CCDC7: variants seen among roughly 807,000 people sequenced by gnomAD.
The protein encoded by CCDC7 is coiled-coil domain containing 7, also known as coiled-coil domain-containing protein 7.
Under a neutral mutation model 196.9 loss-of-function variants are expected in CCDC7, and 183 were observed. That is an observed-to-expected ratio of 0.93 (90% CI 0.82 to 1.05). The LOEUF (loss-of-function observed/expected upper bound fraction) is 1.05, where lower values mean the gene tolerates loss of function less well. Ranked by LOEUF, CCDC7 falls within the 50% of genes least tolerant of loss-of-function variation. CCDC7 has a pLI of 0.00. For missense variants in CCDC7, 1,540 were observed against 1,482.2 expected (o/e 1.04, Z -0.64); for synonymous variants, 525 against 484.6 (o/e 1.08, Z -1.10).
intron 21 of CCDC7, among the ~76,000 whole-genome samples, chr10:32,664,630 A>T (rs10159499): frequency 0.028 from 4,281 of 151,944 alleles, 220 homozygotes; most frequent in African/African-American, 0.097. Flanking sequence ...ATTTAACATT[A>T]TGTTCTCCAC....
In CCDC7 at chr10:32,814,865, G is replaced by C. The variant is rs1035779628; in HGVS notation, c.3181+412G>C. On this transcript the variant is annotated intron_variant, in intron 31 of 41. Coordinates refer to ENST00000639629, the Ensembl canonical transcript of CCDC7. ...TATGACCGTTGGTGTGATACCAAAA[G>C]AAGACATTTTAACAAATAAATAATG... Among the ~76,000 whole-genome samples, 15 of 152,300 alleles carry C rather than the reference G, an allele frequency of 9.8e-5. No homozygotes were observed. In the East Asian group the frequency reaches 2.9e-3, roughly 29 times the overall value.
chr10:32,500,810 C>T (rs1474685285), intron 9 of CCDC7, among the ~76,000 whole-genome samples: 3 of 152,328 alleles, frequency 2.0e-5, no homozygotes, highest in African/African-American at 7.2e-5. Context: ...CTCGGGAGGC[C>T]GAGGCAGGCA....
chr10:32,490,067 T>C (rs2041914111), intron 8 of CCDC7, among the ~76,000 whole-genome samples: 1 of 152,172 alleles, frequency 6.6e-6, no homozygotes, highest in African/African-American at 2.4e-5. Context: ...GTGGGACATG[T>C]TGCATGGCTC....
At chr10:32,663,935 C>T (rs2072075615) in intron 20 of CCDC7, 119 bp from the exon 22 acceptor site, 1 of 365,198 alleles carries the variant, frequency 2.7e-6, no homozygotes, top group Non-Finnish European at 4.8e-6. Context: ...TAGTAATTTA[C>T]TTATATTTTA....
intron 8 of CCDC7, among the ~76,000 whole-genome samples, chr10:32,478,048 G>A (rs1239383478): frequency 2.6e-5 from 4 of 151,780 alleles, no homozygotes; most frequent in East Asian, 1.9e-4. Context: ...TATAGATCTC[G>A]TACATATTTT....
chr10:32,467,108 T>G (rs911488982), intron 5 of CCDC7, among the ~76,000 whole-genome samples: 6 of 110,714 alleles, frequency 5.4e-5, no homozygotes, highest in African/African-American at 1.6e-4. Flanking sequence ...TTTGTCCACT[T>G]TTTTTTTTTT....
intron 18 of CCDC7, among the ~76,000 whole-genome samples, chr10:32,621,713 A>T (rs1332138498): frequency 6.6e-6 from 1 of 152,192 alleles, no homozygotes; most frequent in Admixed American, 6.5e-5. Flanking sequence ...CCCAACAACC[A>T]GGAGCTCCAA....
chr10:32,544,956 G>A (rs2052168801), intron 13 of CCDC7, among the ~76,000 whole-genome samples: 1 of 151,874 alleles, frequency 6.6e-6, no homozygotes, highest in African/African-American at 2.4e-5. Context: ...CAAATTCAAA[G>A]CAAATATGCT....
intron 28 of CCDC7, among the ~76,000 whole-genome samples, chr10:32,772,175 G>A (rs868763956): frequency 2.0e-5 from 3 of 152,216 alleles, no homozygotes; most frequent in South Asian, 4.1e-4. Context: ...GGGAATGGGA[G>A]TGGTCTCAGA....
exon 1 of CCDC7, chr10:32,446,304 T>C (rs1220486202): frequency 6.6e-6 from 1 of 152,300 alleles, no homozygotes; most frequent in Non-Finnish European, 1.5e-5. Flanking sequence ...TCTGGCAGGC[T>C]CGGAATTGTC....
chr10:32,448,583 T>C (rs2032088085), upstream of CCDC7, among the ~76,000 whole-genome samples: 1 of 152,194 alleles, frequency 6.6e-6, no homozygotes, highest in South Asian at 2.1e-4. Flanking sequence ...TCTAAAATAG[T>C]ATGTTATACT....
At chr10:32,551,383 A>G (rs1274986321) in intron 13 of CCDC7, among the ~76,000 whole-genome samples, 1 of 150,888 alleles carries the variant, frequency 6.6e-6, no homozygotes, top group Non-Finnish European at 1.5e-5. Context: ...TATTGTTTTT[A>G]TTTCAATTTC....
At chr10:32,491,292 CTT>C (rs1258670833) in intron 8 of CCDC7, among the ~76,000 whole-genome samples, 1 of 152,136 alleles carries the variant, frequency 6.6e-6, no homozygotes, top group Non-Finnish European at 1.5e-5. Flanking sequence ...TAGCAGAAAA[CTT>C]AGTGCAGGGA....
chr10:32,810,445 A>G (rs1458463587), intron 30 of CCDC7, among the ~76,000 whole-genome samples: 4 of 152,160 alleles, frequency 2.6e-5, no homozygotes, highest in Non-Finnish European at 5.9e-5. Context: ...TAATGATAAA[A>G]GGATCAATTC....
At chr10:32,836,791 A>G (rs534186623) in intron 33 of CCDC7, among the ~76,000 whole-genome samples, 1 of 152,122 alleles carries the variant, frequency 6.6e-6, no homozygotes, top group East Asian at 1.9e-4. Context: ...ACTCTGTTAG[A>G]CTTGGCAAAG....
At chr10:32,771,105 G>C (rs1003284542) in intron 28 of CCDC7, among the ~76,000 whole-genome samples, 10 of 152,078 alleles carry the variant, frequency 6.6e-5, no homozygotes, top group East Asian at 1.9e-4. Flanking sequence ...GTGAGGTACT[G>C]TTTTCTTCAT....
chr10:32,530,431 A>T (rs949135947), intron 11 of CCDC7, among the ~76,000 whole-genome samples: 2 of 152,214 alleles, frequency 1.3e-5, no homozygotes, highest in Non-Finnish European at 2.9e-5. Context: ...ACTATACTGA[A>T]TGGGGAAAAA....
In CCDC7 at chr10:32,671,894, G is replaced by T. The variant is rs151159152; in HGVS notation, c.2122+7733G>T. Reference sequence around the variant, plus strand: ...ATCCTCAGCAGCCAATGCTGTGAATGTTTGCAATTGTGGCAAAGGTTATTG... The same window carrying T: ...ATCCTCAGCAGCCAATGCTGTGAATTTTTGCAATTGTGGCAAAGGTTATTG... On this transcript the variant is annotated intron_variant, in intron 21 of 41. Transcript: ENST00000639629. Among the ~76,000 whole-genome samples, 984 of 152,256 alleles carry T rather than the reference G, an allele frequency of 6.5e-3. 12 individuals are homozygous for T. Among genetic ancestry groups the T allele is most frequent in the African/African-American group, 0.021 (889 of 41,558 alleles).
At chr10:32,847,502 C>A (rs1309099144) in intron 37 of CCDC7, among the ~76,000 whole-genome samples, 1 of 151,880 alleles carries the variant, frequency 6.6e-6, no homozygotes, top group Admixed American at 6.6e-5. Flanking sequence ...GAGATATCAG[C>A]AAATAATATA....
Sources: allele counts gnomAD v4.1 joint callset (sites outside exome capture counted in the v4.1 genomes callset), GRCh38; gene constraint gnomAD v4.1.1; transcripts MANE v1.5; gene names NCBI Gene and HGNC (gene_info 2026-07-23, HGNC 2026-07-21).